The following RASAL2 variants were observed in gnomAD, a reference collection of about 807,000 sequenced individuals.
RASAL2 encodes the protein ras GTPase-activating protein nGAP.
A neutral mutation model predicts 128.9 loss-of-function variants in RASAL2; 58 were observed. The observed-to-expected ratio is 0.45, with a 90% CI of 0.36 to 0.56. RASAL2 has a LOEUF of 0.56. Ranked by LOEUF, RASAL2 falls within the 20% of genes least tolerant of loss-of-function variation. The pLI is 0.00. For synonymous variants in RASAL2, 561 were observed against 580.8 expected, an observed-to-expected ratio of 0.97 and a Z score of 0.49; for missense variants, 1,360 against 1,601.6, an observed-to-expected ratio of 0.85 and a Z score of 2.57.
At chr1:178,192,667 G>A (rs186233545) in intron 1 of RASAL2, among the ~76,000 whole-genome samples, 1 of 152,250 alleles carries the variant, frequency 6.6e-6, no homozygotes, top group East Asian at 1.9e-4. Flanking sequence ...AGGTAGAAAC[G>A]AGTCTAAAAG....
intron 3 of RASAL2, among the ~76,000 whole-genome samples, chr1:178,321,976 G>A (rs1349768784): frequency 6.7e-6 from 1 of 148,258 alleles, no homozygotes; most frequent in East Asian, 2.0e-4. Flanking sequence ...CAACAAGAGC[G>A]AAACTCCATC....
chr1:178,189,917 A>G (rs532490003), intron 1 of RASAL2, among the ~76,000 whole-genome samples: 1 of 152,294 alleles, frequency 6.6e-6, no homozygotes, highest in Admixed American at 6.5e-5. Flanking sequence ...TGTTGGGAAA[A>G]CAAAGTTGAA....
intron 4 of RASAL2, among the ~76,000 whole-genome samples, chr1:178,398,065 T>C (rs1223214585): frequency 6.6e-6 from 1 of 152,012 alleles, no homozygotes; most frequent in Non-Finnish European, 1.5e-5. Flanking sequence ...TGAAATAATG[T>C]TTTAGATATA....
At position 178,434,168 on chromosome 1, in the gene RASAL2, A is replaced by C. The variant is rs78792120; in HGVS notation, c.675-5254A>C. On this transcript the variant is annotated intron_variant, in intron 5 of 17. Coordinates refer to ENST00000367649, the MANE Select transcript of RASAL2 (RefSeq NM_170692.4). ...TGTGTTTATATTGAATTTGTTTAAT[A>C]GGTGCTAGTAGATTATATTACCTTT... is the stretch of plus-strand genomic sequence containing the variant. Among the ~76,000 whole-genome samples the C allele has an allele frequency of 2.0e-3, 301 of 152,248 alleles. 2 individuals carry two copies. In the East Asian group the frequency reaches 0.029, roughly 15 times the overall value.
chr1:178,391,498 A>G (rs1672903983), intron 4 of RASAL2, among the ~76,000 whole-genome samples: 1 of 152,176 alleles, frequency 6.6e-6, no homozygotes, highest in African/African-American at 2.4e-5. Flanking sequence ...GAGTACTTGG[A>G]TATCTGTAGA....
intron 3 of RASAL2, among the ~76,000 whole-genome samples, chr1:178,333,960 T>A (rs956741878): frequency 6.6e-6 from 1 of 152,236 alleles, no homozygotes; most frequent in East Asian, 1.9e-4. Flanking sequence ...TGGCTTGTTT[T>A]TAAAGCAACA....
chr1:178,286,722 T>C (rs1031516654), intron 2 of RASAL2, among the ~76,000 whole-genome samples: 3 of 152,210 alleles, frequency 2.0e-5, no homozygotes, highest in Admixed American at 2.0e-4. Context: ...TGTAGTCATC[T>C]TCTAACCTTC....
intron 3 of RASAL2, among the ~76,000 whole-genome samples, chr1:178,343,762 G>A (rs749238209): frequency 6.6e-6 from 1 of 151,734 alleles, no homozygotes; most frequent in Non-Finnish European, 1.5e-5. Flanking sequence ...GAAAACAAAT[G>A]TCAGATTATG....
At position 178,331,583 on chromosome 1, in the gene RASAL2, C is replaced by CTTTT. The variant is rs71731643; in HGVS notation, c.457+31483_457+31486dup. ...TTCTTAGAGATGTAACTTCATGCAT[C>CTTTT]TTTTTTTTTTTTTTTTTTTTTGAGA... On this transcript the variant is annotated intron_variant, in intron 3 of 17. Transcript: ENST00000367649. Among the ~76,000 whole-genome samples, 869 of 110,178 alleles carry CTTTT rather than the reference C, an allele frequency of 7.9e-3. 65 individuals carry two copies. The highest frequency in any genetic ancestry group is 0.029 in the African/African-American group (766 of 26,558). 72.3% of individuals were successfully genotyped at this position (110,178 alleles called of 152,430 possible).
chr1:178,242,765 C>G (rs1159227475), intron 1 of RASAL2, among the ~76,000 whole-genome samples: 1 of 152,120 alleles, frequency 6.6e-6, no homozygotes, highest in African/African-American at 2.4e-5. Context: ...CCTTACTCTG[C>G]CACCCAGGCT....
At chr1:178,425,150 G>A (rs1271551526) in intron 5 of RASAL2, among the ~76,000 whole-genome samples, 1 of 152,136 alleles carries the variant, frequency 6.6e-6, no homozygotes, top group Non-Finnish European at 1.5e-5. Context: ...TCTTACAGGT[G>A]TAATTTGAAC....
chr1:178,354,809 ATAATC>A (rs1240184763), intron 3 of RASAL2, among the ~76,000 whole-genome samples: 2 of 152,250 alleles, frequency 1.3e-5, no homozygotes, highest in African/African-American at 4.8e-5. Context: ...AAATTTAAGA[ATAATC>A]TAAAGTAGAT....
intron 3 of RASAL2, among the ~76,000 whole-genome samples, chr1:178,363,182 T>C (rs985718591): frequency 2.6e-5 from 4 of 152,192 alleles, no homozygotes; most frequent in Admixed American, 1.3e-4. Flanking sequence ...TGTTATCTCT[T>C]GTTTTTTTGA....
intron 1 of RASAL2, among the ~76,000 whole-genome samples, chr1:178,202,497 T>C (rs193024762): frequency 4.9e-4 from 75 of 152,286 alleles, no homozygotes; most frequent in Non-Finnish European, 7.8e-4. Context: ...TGAAGGAAAA[T>C]CTTTCCAGTG....
chr1:178,416,031 G>A (rs374241538), intron 4 of RASAL2, among the ~76,000 whole-genome samples: 1 of 152,144 alleles, frequency 6.6e-6, no homozygotes, highest in African/African-American at 2.4e-5. Flanking sequence ...TTTAATTGGG[G>A]TATTTAGACT....
intron 1 of RASAL2, among the ~76,000 whole-genome samples, chr1:178,098,607 A>C (rs1422473241): frequency 6.6e-6 from 1 of 152,220 alleles, no homozygotes; most frequent in African/African-American, 2.4e-5. Flanking sequence ...TGCACTCATC[A>C]GTATGACAGG....
At chr1:178,181,542 A>G (rs1311408708) in intron 1 of RASAL2, among the ~76,000 whole-genome samples, 2 of 152,110 alleles carry the variant, frequency 1.3e-5, no homozygotes, top group Non-Finnish European at 2.9e-5. Context: ...TATTTTTAGT[A>G]GAGACGGGGT....
intron 5 of RASAL2, among the ~76,000 whole-genome samples, chr1:178,422,792 AT>A (rs1675241898): frequency 1.3e-5 from 2 of 152,074 alleles, no homozygotes; most frequent in Admixed American, 1.3e-4. Flanking sequence ...CTTTTATCCA[AT>A]CTGTGGAACT....
Position 178,372,326 on chromosome 1 carries a change from C to T in RASAL2, c.458-17774C>T, listed in dbSNP as rs187876390. 1,597 of 985,340 alleles carry T rather than the reference C, an allele frequency of 1.6e-3. 2 individuals carry two copies. Among genetic ancestry groups the T allele is most frequent in the Non-Finnish European group, 1.8e-3 (1,473 of 829,908 alleles). 61.0% of individuals were successfully genotyped at this position (985,340 alleles called of 1,614,324 possible). A position where few individuals can be genotyped will look rare whatever the true frequency, so the allele number is the denominator to read the frequency against. On this transcript the variant is annotated intron_variant, in intron 3 of 17. Transcript: ENST00000367649. Reference sequence around the variant, plus strand: ...AAGAGCCTTCTGTCATTTCTGGGTACGGTAGGGCTTGCTTGTTCTTTTAAC... The same window carrying T: ...AAGAGCCTTCTGTCATTTCTGGGTATGGTAGGGCTTGCTTGTTCTTTTAAC...
Sources: allele counts gnomAD v4.1 joint callset (sites outside exome capture counted in the v4.1 genomes callset), GRCh38; gene constraint gnomAD v4.1.1; transcripts MANE v1.5; gene names NCBI Gene and HGNC (gene_info 2026-07-23, HGNC 2026-07-21).